The following C1QTNF1 variants were observed in gnomAD, a reference collection of about 807,000 sequenced individuals.
The protein encoded by C1QTNF1 is C1q and TNF related 1.
A neutral mutation model predicts 27.8 loss-of-function variants in C1QTNF1; 22 were observed. The ratio of observed to expected loss-of-function variants is 0.79; its 90% confidence interval spans 0.56 to 1.13. The LOEUF (loss-of-function observed/expected upper bound fraction) is 1.13. Ranked by LOEUF, C1QTNF1 falls within the 50% of genes most tolerant of loss-of-function variation. The pLI is 0.00. For synonymous variants in C1QTNF1, 166 were observed against 154.3 expected (o/e 1.08, Z -0.56); for missense variants, 373 against 380.2 (o/e 0.98, Z 0.16).
At chr17:79,028,922 G>A (rs144262365) in intron 1 of C1QTNF1, among the ~76,000 whole-genome samples, 217 of 152,208 alleles carry the variant, frequency 1.4e-3, no homozygotes, top group African/African-American at 4.0e-3. Context: ...GCATGCACGC[G>A]CGGGTGTTCC....
intron 1 of C1QTNF1, among the ~76,000 whole-genome samples, chr17:79,042,060 G>A (rs1320690289): frequency 6.6e-6 from 1 of 152,264 alleles, no homozygotes; most frequent in Non-Finnish European, 1.5e-5. Flanking sequence ...CTGGCAGCCA[G>A]GAGTGAGGGA....
At position 79,048,042 on chromosome 17, in the gene C1QTNF1, A is replaced by G; in HGVS notation, c.800A>G (p.Tyr267Cys). Reference sequence around the variant, plus strand: ...ATCTTCAGCGAGGAGCTGGACACCTACATCACCTTCAGTGGCTACCTGGTC... The same window carrying G: ...ATCTTCAGCGAGGAGCTGGACACCTGCATCACCTTCAGTGGCTACCTGGTC... ...NAIFSEELDT[Y>C]ITFSGYLVKH... The change falls in exon 4 of 4, where the codon TAC becomes TGC. Residue 267 changes from tyrosine to cysteine, a missense_variant. Transcript: ENST00000579760. 6.3e-7 allele frequency: 1 copy of G among 1,592,628 alleles called. No individual in the cohort carries two copies. The highest frequency in any genetic ancestry group is 8.5e-7 in the Non-Finnish European group (1 of 1,171,814).
intron 1 of C1QTNF1, chr17:79,025,885 C>G (rs2071939565): frequency 2.3e-6 from 1 of 430,732 alleles, no homozygotes; most frequent in Non-Finnish European, 4.7e-6. Flanking sequence ...ATCATCATCA[C>G]CATCATCATC....
In C1QTNF1 at chr17:79,043,491, A is replaced by G. The variant is rs1186947901; in HGVS notation, c.-14-464A>G. The G allele has an allele frequency of 6.7e-6, 3 of 449,894 alleles. No homozygotes were observed. In the East Asian group the frequency reaches 2.1e-4, roughly 32 times the overall value. 27.9% of individuals were successfully genotyped at this position (449,894 alleles called of 1,614,324 possible). On this transcript the variant is annotated intron_variant, in intron 1 of 3. Coordinates refer to ENST00000579760, the MANE Select transcript of C1QTNF1 (RefSeq NM_030968.5). ...GTGTGCATATGGGTGCGTGGATTGC[A>G]TGAGTGTGCATGTGATGTGGGTATA...
Position 79,048,302 on chromosome 17 carries a change from C to T in C1QTNF1, c.*214C>T, listed in dbSNP as rs551898899. 13 of 568,880 alleles carry T rather than the reference C, an allele frequency of 2.3e-5. No homozygotes were observed. In the South Asian group the frequency reaches 2.5e-4, roughly 11 times the overall value. 35.2% of individuals were successfully genotyped at this position (568,880 alleles called of 1,614,324 possible). The stretch of plus-strand genomic sequence containing the variant: ...TGAAATCACCAGGGCGGGGCACCCG[C>T]GAGAACCCTCTGGGACCTTCCGCGG... On this transcript the variant is annotated 3_prime_UTR_variant, in exon 4 of 4. Transcript: ENST00000579760.
chr17:79,049,334 G>C lies in C1QTNF1; in HGVS notation c.*1246G>C, dbSNP rs1167248141. On this transcript the variant is annotated 3_prime_UTR_variant, in exon 4 of 4. Transcript: ENST00000579760. This position sits in a 1 kb window ranked among gnomAD's most constrained non-coding sequence, Gnocchi z 4.4. ...GGAAGTACACGTCCCAATCACCCGT[G>C]TCAGGATTCACTCTCAGGAGCTGGG... 6.6e-6 allele frequency: 1 copy of C among 152,370 alleles called. No individual in the cohort carries two copies. Among genetic ancestry groups the C allele is most frequent in the Non-Finnish European group, 1.5e-5 (1 of 68,162 alleles). 9.4% of individuals were successfully genotyped at this position (152,370 alleles called of 1,614,324 possible).
In C1QTNF1 at chr17:79,047,937, A is replaced by C; in HGVS notation, c.695A>C (p.Gln232Pro). The C allele has an allele frequency of 6.2e-7, 1 of 1,613,926 alleles. No homozygotes were observed. Among genetic ancestry groups the C allele is most frequent in the East Asian group, 2.2e-5 (1 of 44,884 alleles). Residue 232 changes from glutamine (Q) to proline (P), a missense_variant, in exon 4 of 4, where the codon CAA becomes CCA. By Grantham distance (76) the Gln-to-Pro change is moderately conservative (BLOSUM62 -1). Transcript: ENST00000579760. ...CAGGTGGGCGACCGCAGCATCATGC[A>C]AAGCCAGAGCCTGATGCTGGAGCTG... ...FAQVGDRSIM[Q>P]SQSLMLELRE... is the part of the protein sequence containing the mutation.
Position 79,046,873 on chromosome 17 carries a change from C to A in C1QTNF1, c.295+179C>A. On this transcript the variant is annotated intron_variant, in intron 3 of 3. Coordinates refer to ENST00000579760, the MANE Select transcript of C1QTNF1 (RefSeq NM_030968.5). This position sits in a 1 kb window ranked among gnomAD's most constrained non-coding sequence, Gnocchi z 4.8. Reference sequence around the variant, plus strand: ...GGCACAGGAAATTCTGATTTTGAGGCTCTGGCCCCTCTCCAAGAGGAGGGG... The same window carrying A: ...GGCACAGGAAATTCTGATTTTGAGGATCTGGCCCCTCTCCAAGAGGAGGGG... 2.5e-6 allele frequency: 2 copies of A among 796,866 alleles called. No homozygotes were observed. Among genetic ancestry groups the A allele is most frequent in the Non-Finnish European group, 3.8e-6 (2 of 521,382 alleles). 49.4% of individuals were successfully genotyped at this position (796,866 alleles called of 1,614,324 possible).
Position 79,036,476 on chromosome 17 carries a change from A to T in C1QTNF1, c.-14-7479A>T, listed in dbSNP as rs114260706. Among the ~76,000 whole-genome samples, 1,520 of 152,292 alleles carry T rather than the reference A, an allele frequency of 1.0e-2. 26 individuals are homozygous for T. The highest frequency in any genetic ancestry group is 0.036 in the African/African-American group (1,477 of 41,564). ...AGACATGAACCACTGTGCCCAGCCTACATGTATTAATAGTTATTGAATGCT... is the reference window on the plus strand; with the variant it reads ...AGACATGAACCACTGTGCCCAGCCTTCATGTATTAATAGTTATTGAATGCT... On this transcript the variant is annotated intron_variant, in intron 1 of 3. Coordinates refer to ENST00000579760, the MANE Select transcript of C1QTNF1 (RefSeq NM_030968.5).
At chr17:79,041,174 C>A (rs574275579) in intron 1 of C1QTNF1, among the ~76,000 whole-genome samples, 1 of 152,214 alleles carries the variant, frequency 6.6e-6, no homozygotes, top group South Asian at 2.1e-4. Flanking sequence ...GGGGCTGTGG[C>A]CTAAGCAGCT....
At chr17:79,036,263 C>T (rs1047575915) in intron 1 of C1QTNF1, among the ~76,000 whole-genome samples, 1 of 152,224 alleles carries the variant, frequency 6.6e-6, no homozygotes, top group Admixed American at 6.5e-5. Flanking sequence ...CAGCCTCAAC[C>T]CCCTGAGATC....
In C1QTNF1 at chr17:79,048,414, G is replaced by A. The variant is rs184230816; in HGVS notation, c.*326G>A. On this transcript the variant is annotated 3_prime_UTR_variant, in exon 4 of 4. Coordinates refer to ENST00000579760, the MANE Select transcript of C1QTNF1 (RefSeq NM_030968.5). ...CCCAGGGTGCGGCACCGCGGCTCCAGTCCTTGGAAATAATTAGGCAAATTC... is the reference window on the plus strand; with the variant it reads ...CCCAGGGTGCGGCACCGCGGCTCCAATCCTTGGAAATAATTAGGCAAATTC... The A allele has an allele frequency of 2.7e-4, 78 of 289,572 alleles. No homozygotes were observed. The highest frequency in any genetic ancestry group is 1.2e-3 in the East Asian group (18 of 15,318). The allele number at this position is 289,572 out of a possible 1,614,324, so 17.9% of individuals were successfully genotyped here.
intron 1 of C1QTNF1, among the ~76,000 whole-genome samples, chr17:79,037,919 A>G (rs1365023194): frequency 6.8e-6 from 1 of 148,082 alleles, no homozygotes; most frequent in African/African-American, 2.5e-5. Context: ...CAATCTACCC[A>G]CCTTGGCCTC....
chr17:79,040,156 T>G (rs1049629678), intron 1 of C1QTNF1, among the ~76,000 whole-genome samples: 6 of 152,154 alleles, frequency 3.9e-5, no homozygotes, highest in Admixed American at 2.6e-4. Context: ...AGACAAACTC[T>G]CTGCAGTAGG....
At chr17:79,043,532 AG>A (rs2072478288) in intron 1 of C1QTNF1, 3 of 438,432 alleles carry the variant, frequency 6.8e-6, no homozygotes, top group Non-Finnish European at 1.4e-5. Flanking sequence ...GCATGTGTGT[AG>A]GTTTCATTGT....
intron 1 of C1QTNF1, among the ~76,000 whole-genome samples, chr17:79,033,698 G>A (rs147568506): frequency 1.4e-3 from 215 of 152,016 alleles, no homozygotes; most frequent in Admixed American, 2.6e-3. Flanking sequence ...AGGAGACCCT[G>A]TCTCCTAAAT....
upstream of C1QTNF1, chr17:79,023,093 G>A (rs1477637452): frequency 6.6e-6 from 1 of 152,238 alleles, no homozygotes; most frequent in African/African-American, 2.4e-5. Context: ...GGAAAGGTGA[G>A]GCCTCTTAGT....
upstream of C1QTNF1, chr17:79,023,949 C>G (rs1451410896): frequency 6.6e-6 from 1 of 152,334 alleles, no homozygotes; most frequent in Non-Finnish European, 1.5e-5. Flanking sequence ...CTGCGGGGGG[C>G]ATTCTCGTCC....
intron 1 of C1QTNF1, among the ~76,000 whole-genome samples, chr17:79,034,964 G>A (rs1442477656): frequency 6.6e-6 from 1 of 152,206 alleles, no homozygotes; most frequent in African/African-American, 2.4e-5. Context: ...AGACCAGTGG[G>A]GGCAGTGCAG....
Sources: allele counts gnomAD v4.1 joint callset (sites outside exome capture counted in the v4.1 genomes callset), GRCh38; gene constraint gnomAD v4.1.1; non-coding constraint Gnocchi (gnomAD v3.1); transcripts MANE v1.5; gene names NCBI Gene and HGNC (gene_info 2026-07-23, HGNC 2026-07-21).